The following EFL1 variants were observed in gnomAD, a reference collection of about 807,000 sequenced individuals.
EFL1 encodes elongation factor-like GTPase 1.
EFL1 carries 76 observed loss-of-function variants against 126.7 expected under a neutral mutation model. The ratio of observed to expected loss-of-function variants is 0.60; its 90% confidence interval spans 0.50 to 0.73. EFL1 has a LOEUF of 0.73. Ranked by LOEUF, EFL1 falls within the 30% of genes least tolerant of loss-of-function variation. The pLI is 0.00. For missense variants in EFL1, 1,128 were observed against 1,343.2 expected (o/e 0.84, Z 2.50); for synonymous variants, 410 against 448.4 (o/e 0.91, Z 1.08).
At chr15:82,223,500 C>A (rs1406953529) in intron 12 of EFL1, among the ~76,000 whole-genome samples, 1 of 152,026 alleles carries the variant, frequency 6.6e-6, no homozygotes, top group Admixed American at 6.6e-5. Context: ...AAAACATTCA[C>A]AGAAAATGTA....
chr15:82,238,340 A>G lies in EFL1; in HGVS notation c.698T>C (p.Val233Ala), dbSNP rs1420189412. ...CCACCCATCTATTGCACTGGTAAAC[A>G]CCACATTTCCCTGTTCTGGAGAGAA... ...LYFSPEQGNV[V>A]FTSAIDGWGF... The change falls in exon 7 of 20, where the codon GTG becomes GCG. Residue 233 changes from valine (V) to alanine (A), a missense_variant. Physicochemically the swap from Val to Ala is moderately conservative, Grantham distance 64. Coordinates refer to ENST00000268206, the MANE Select transcript of EFL1 (RefSeq NM_024580.6). 2 of 1,614,190 alleles carry G rather than the reference A, an allele frequency of 1.2e-6. No homozygotes were observed. The highest frequency in any genetic ancestry group is 1.7e-6 in the Non-Finnish European group (2 of 1,180,022).
chr15:82,216,336 T>C (rs1409437544), intron 14 of EFL1, among the ~76,000 whole-genome samples: 1 of 152,182 alleles, frequency 6.6e-6, no homozygotes, highest in African/African-American at 2.4e-5. Context: ...GTAATTCCAA[T>C]CGAAGCCTCA....
In EFL1 at chr15:82,157,931, C is replaced by A; in HGVS notation, c.1883-71G>T. ...CACAATTCAAAGACAATGGCTCTGG[C>A]TACTGAAGGGAAAATTACATTGAAA... On this transcript the variant is annotated intron_variant, in intron 16 of 19. Coordinates refer to ENST00000268206, the MANE Select transcript of EFL1 (RefSeq NM_024580.6). 4 of 1,429,890 alleles carry A rather than the reference C, an allele frequency of 2.8e-6. No homozygotes were observed. The South Asian group carries it at 4.3e-5, about 15-fold the overall frequency. 88.6% of individuals were successfully genotyped at this position (1,429,890 alleles called of 1,614,324 possible).
intron 7 of EFL1, among the ~76,000 whole-genome samples, chr15:82,234,059 G>A (rs2141319606): frequency 6.6e-6 from 1 of 152,310 alleles, no homozygotes; most frequent in South Asian, 2.1e-4. Flanking sequence ...AATGTCAAAA[G>A]TAAGGGCTAT....
chr15:82,213,195 T>C (rs1595986660), intron 15 of EFL1, among the ~76,000 whole-genome samples: 1 of 152,234 alleles, frequency 6.6e-6, no homozygotes, highest in East Asian at 1.9e-4. Flanking sequence ...AAGTGGTTGG[T>C]TGTCCATCAG....
Position 82,186,823 on chromosome 15 carries a change from T to G in EFL1, c.1751-22839A>C, listed in dbSNP as rs554097440. Among the ~76,000 whole-genome samples the G allele has an allele frequency of 2.6e-5, 4 of 152,262 alleles. No individual in the cohort carries two copies. In the East Asian group the frequency reaches 7.7e-4, roughly 29 times the overall value. ...TCTAGTCTAGAACCTTCACAGTACT[T>G]GAGTCCTCTTTGATGATCGAGGCTT... On this transcript the variant is annotated intron_variant, in intron 15 of 19. Transcript: ENST00000268206.
intron 4 of EFL1, among the ~76,000 whole-genome samples, chr15:82,242,211 T>C (rs545821928): frequency 6.6e-6 from 1 of 152,244 alleles, no homozygotes; most frequent in Admixed American, 6.5e-5. Flanking sequence ...TTGATAAATT[T>C]GATATAATTC....
chr15:82,219,899 A>G, intron 13 of EFL1, 81 bp from the exon 14 acceptor site: 3 of 1,512,528 alleles, frequency 2.0e-6, no homozygotes, highest in Non-Finnish European at 2.7e-6. Context: ...GGAGGAGTGA[A>G]TATGATATCT....
In EFL1 at chr15:82,214,805, G is replaced by T; in HGVS notation, c.1662C>A (p.His554Gln). The T allele has an allele frequency of 6.3e-7, 1 of 1,594,044 alleles. No individual in the cohort carries two copies. Among genetic ancestry groups the T allele is most frequent in the South Asian group, 1.1e-5 (1 of 88,252 alleles). ...APPDGLPQVPHMAYCALENLY... is the reference protein window; with the variant it reads ...APPDGLPQVPQMAYCALENLY... ...GGTTTTCCAGAGCACAGTATGCCAT[G>T]TGGGGGACTTGGGGGAGGCCATCTG... Residue 554 changes from histidine (H) to glutamine (Q), a missense_variant, in exon 15 of 20, where the codon CAC (histidine) becomes CAA (glutamine). Physicochemically the swap from His to Gln is conservative, Grantham distance 24 (BLOSUM62 0). Around this residue, in one of 6 missense-constraint regions of EFL1, gnomAD observed 120 missense variants for 142.1 expected, o/e 0.84. Coordinates refer to ENST00000268206, the MANE Select transcript of EFL1 (RefSeq NM_024580.6).
At chr15:82,250,673 C>A (rs1341579453) in intron 4 of EFL1, among the ~76,000 whole-genome samples, 1 of 152,020 alleles carries the variant, frequency 6.6e-6, no homozygotes, top group Non-Finnish European at 1.5e-5. Context: ...AACAGACACC[C>A]AAATCCAAGG....
chr15:82,136,861 C>A lies in EFL1; in HGVS notation c.3174+1797G>T, dbSNP rs11857973. 8.8e-3 allele frequency among the ~76,000 whole-genome samples: 1,337 copies of A among 152,210 alleles called. 21 individuals carry two copies. Among genetic ancestry groups the A allele is most frequent in the African/African-American group, 0.031 (1,281 of 41,526 alleles). ...CAATATCGCATCAGATATAAGCCAG[C>A]AAAGCCATCAAAACACCATTAAGTT... On this transcript the variant is annotated intron_variant, in intron 19 of 19. Transcript: ENST00000268206.
At chr15:82,253,609 C>T (rs2075043019) in intron 3 of EFL1, among the ~76,000 whole-genome samples, 1 of 152,078 alleles carries the variant, frequency 6.6e-6, no homozygotes, top group South Asian at 2.1e-4. Context: ...AGCTGTTTGA[C>T]AAATTCTGAG....
chr15:82,249,914 AC>A (rs2075006296), intron 4 of EFL1, among the ~76,000 whole-genome samples: 1 of 152,132 alleles, frequency 6.6e-6, no homozygotes, highest in African/African-American at 2.4e-5. Context: ...CTATATTTCA[AC>A]CCAAATAAAT....
At chr15:82,220,506 A>G (rs908343982) in intron 12 of EFL1, among the ~76,000 whole-genome samples, 5 of 152,200 alleles carry the variant, frequency 3.3e-5, no homozygotes, top group Non-Finnish European at 7.3e-5. Context: ...TCAGATACCT[A>G]TATTCCTTCT....
At chr15:82,217,782 C>A (rs1944972783) in intron 14 of EFL1, among the ~76,000 whole-genome samples, 1 of 152,132 alleles carries the variant, frequency 6.6e-6, no homozygotes, top group Non-Finnish European at 1.5e-5. Context: ...CTTCTTCTAA[C>A]AAACGGAATA....
At chr15:82,132,128 C>T (rs1243655777) in intron 19 of EFL1, among the ~76,000 whole-genome samples, 1 of 152,222 alleles carries the variant, frequency 6.6e-6, no homozygotes, top group Non-Finnish European at 1.5e-5. Flanking sequence ...AGGCTCGATT[C>T]TGACCCACTA....
At chr15:82,162,682 C>T (rs1232462549) in intron 16 of EFL1, among the ~76,000 whole-genome samples, 1 of 152,208 alleles carries the variant, frequency 6.6e-6, no homozygotes, top group African/African-American at 2.4e-5. Context: ...AGGCAGATGG[C>T]TATTTACTAG....
chr15:82,259,763 C>T (rs1459970261), intron 2 of EFL1, among the ~76,000 whole-genome samples: 1 of 152,204 alleles, frequency 6.6e-6, no homozygotes, highest in African/African-American at 2.4e-5. Context: ...ATAATTACTA[C>T]AACTGGGTTG....
At chr15:82,149,980 C>A (rs753292748) in intron 18 of EFL1, among the ~76,000 whole-genome samples, 23 of 152,102 alleles carry the variant, frequency 1.5e-4, no homozygotes, top group Admixed American at 1.5e-3. Context: ...CTCTTACTTC[C>A]GCCTTAAGAA....
Sources: gnomAD v4.1 joint callset for allele counts (sites outside exome capture counted in the v4.1 genomes callset) on GRCh38, gnomAD v4.1.1 for gene constraint, gnomAD v4.1.1 regional missense constraint, MANE v1.5 for transcripts, NCBI Gene and HGNC (gene_info 2026-07-23, HGNC 2026-07-21) for gene names.